Variants in RC3H2 observed in about 807,000 individuals in gnomAD.
RC3H2 encodes the protein roquin-2.
Under a neutral mutation model 133.3 loss-of-function variants are expected in RC3H2, and 31 were observed. The ratio of observed to expected loss-of-function variants is 0.23; its 90% CI spans 0.17 to 0.31. RC3H2 has a LOEUF of 0.31. Ranked by LOEUF, RC3H2 falls within the 10% of genes least tolerant of loss-of-function variation. The pLI, the probability that RC3H2 is intolerant of heterozygous loss-of-function variation, is 1.00. For synonymous variants in RC3H2, 517 were observed against 502.2 expected (o/e 1.03, Z -0.40); for missense variants, 1,175 against 1,437.2 (o/e 0.82, Z 2.95).
In RC3H2 at chr9:122,879,841, T is replaced by A. The variant is rs1310253529; in HGVS notation, c.1126A>T (p.Asn376Tyr). 27 of 1,614,182 alleles carry A rather than the reference T, an allele frequency of 1.7e-5. No homozygotes were observed. Among genetic ancestry groups the A allele is most frequent in the Non-Finnish European group, 2.2e-5 (26 of 1,180,030 alleles). ...ACTGTTTTAACAGCTACCATTGCAT[T>A]TTCCAGCTGCTCCCAAGTTGGTGAA... The part of the protein sequence containing the change: ...AVSPTWEQLE[N>Y]AMVAVKTVVH... The change falls in exon 8 of 21, where the codon AAT (asparagine) becomes TAT (tyrosine). Residue 376 changes from asparagine to tyrosine, a missense_variant. Asn to Tyr is a moderately radical substitution (Grantham distance 143). This residue lies in a region of RC3H2 where 131 missense variants were observed against 154.2 expected (regional missense o/e 0.85). Transcript: ENST00000357244.
chr9:122,852,101 T>G (rs1314377787), intron 18 of RC3H2, among the ~76,000 whole-genome samples: 1 of 148,110 alleles, frequency 6.8e-6, no homozygotes, highest in African/African-American at 2.5e-5. Flanking sequence ...GGAGCGTCTC[T>G]GCCCGGCCGC....
Position 122,879,877 on chromosome 9 carries a change from A to T in RC3H2, c.1094-4T>A, listed in dbSNP as rs371619380. On this transcript the variant is annotated splice_region_variant and splice_polypyrimidine_tract_variant and intron_variant, in intron 7 of 20. Transcript: ENST00000357244. ...TCCCAAGTTGGTGAAACAGCGTCTAAAATAAGCCACCAAGGGCATGGGGGT... is the reference window on the plus strand; with the variant it reads ...TCCCAAGTTGGTGAAACAGCGTCTATAATAAGCCACCAAGGGCATGGGGGT... The T allele has an allele frequency of 3.1e-6, 5 of 1,613,666 alleles. No individual in the cohort carries two copies. Among genetic ancestry groups the T allele is most frequent in the Non-Finnish European group, 4.2e-6 (5 of 1,179,716 alleles).
intron 14 of RC3H2, 43 bp downstream of exon 14, chr9:122,855,689 T>A: frequency 6.3e-7 from 1 of 1,575,602 alleles, no homozygotes; most frequent in Non-Finnish European, 8.6e-7. Context: ...TGAACATGCA[T>A]CATCTCTCAC....
chr9:122,851,247 T>A lies in RC3H2; in HGVS notation c.3232-18A>T. ...AAGATCTCCTAAGAAAATAAAATGT[T>A]AATCCTTCAGTATGAAAGTATTTTA... On this transcript the variant is annotated intron_variant, in intron 19 of 20. Coordinates refer to ENST00000357244, the MANE Select transcript of RC3H2 (RefSeq NM_001100588.3). The A allele has an allele frequency of 6.2e-7, 1 of 1,613,462 alleles. No individual in the cohort carries two copies. Among genetic ancestry groups the A allele is most frequent in the African/African-American group, 1.3e-5 (1 of 75,024 alleles).
At chr9:122,881,505 T>G (rs1213143543) in intron 5 of RC3H2, among the ~76,000 whole-genome samples, 2 of 145,912 alleles carry the variant, frequency 1.4e-5, no homozygotes, top group African/African-American at 5.0e-5. Context: ...AGAAATAGAA[T>G]TTTTAAAAGA....
At chr9:122,891,771 C>G (rs1199473750) in intron 3 of RC3H2, among the ~76,000 whole-genome samples, 1 of 152,186 alleles carries the variant, frequency 6.6e-6, no homozygotes, top group African/African-American at 2.4e-5. Context: ...CAGTGCAAAG[C>G]ATTCAACAGG....
intron 9 of RC3H2, among the ~76,000 whole-genome samples, chr9:122,868,172 C>G (rs1830824470): frequency 1.3e-5 from 2 of 151,812 alleles, no homozygotes; most frequent in South Asian, 4.2e-4. Context: ...TGAGGGGCGC[C>G]TCTGCCCGGC....
intron 10 of RC3H2, among the ~76,000 whole-genome samples, chr9:122,862,765 G>A (rs1344161609): frequency 6.6e-6 from 1 of 151,814 alleles, no homozygotes; most frequent in Non-Finnish European, 1.5e-5. Context: ...CATGGTGGCA[G>A]GTGCCTGTAA....
At position 122,865,635 on chromosome 9, in the gene RC3H2, T is replaced by C. The variant is rs773798867; in HGVS notation, c.1348A>G (p.Ile450Val). The change falls in exon 10 of 21, where the codon ATC (isoleucine) becomes GTC (valine). Residue 450 changes from isoleucine (I) to valine (V), a missense_variant. Transcript: ENST00000357244. ...GGAAACGTTCTTACAGTGGCATTGA[T>C]CTTTTTGTTCCTTAATCGATACCTG... ...LEKYRLRNKK[I>V]NATVRTFPLL... 1 of 1,612,326 alleles carries C rather than the reference T, an allele frequency of 6.2e-7. No individual in the cohort carries two copies. The highest frequency in any genetic ancestry group is 8.5e-7 in the Non-Finnish European group (1 of 1,179,526).
chr9:122,858,571 C>T (rs2131393458), intron 12 of RC3H2, 98 bp downstream of exon 12: 1 of 991,168 alleles, frequency 1.0e-6, no homozygotes, highest in Non-Finnish European at 1.5e-6. Context: ...CCTTAAGTCA[C>T]ACAATTAGTA....
At chr9:122,871,507 G>A (rs578107202) in intron 9 of RC3H2, among the ~76,000 whole-genome samples, 2 of 87,452 alleles carry the variant, frequency 2.3e-5, no homozygotes, top group African/African-American at 1.3e-4. Context: ...CCGTGTTAGT[G>A]GGGGGGGGGG....
intron 10 of RC3H2, among the ~76,000 whole-genome samples, chr9:122,864,117 CATT>C (rs1179001747): frequency 1.3e-5 from 2 of 152,320 alleles, no homozygotes; most frequent in East Asian, 3.9e-4. Flanking sequence ...ATCTATCCAT[CATT>C]GATTGCTATG....
At chr9:122,903,390 T>C (rs1339566770) in intron 1 of RC3H2, among the ~76,000 whole-genome samples, 4 of 152,186 alleles carry the variant, frequency 2.6e-5, no homozygotes, top group Non-Finnish European at 5.9e-5. Context: ...TTGCAAACAA[T>C]GTAGAAGTTC....
rs1174795355 is a variant in RC3H2, at chr9:122,890,366, A to T, written c.529T>A (p.Ser177Thr). The part of the protein sequence containing the change: ...ILQHQNPQQL[S>T]ANLWAAVRAR... ...CTGACAGCGGCCCATAGATTGGCAG[A>T]CAACTGCTGAGGGTTCTGGTGCTGT... is the stretch of plus-strand genomic sequence containing the variant. The change falls in exon 4 of 21, where the codon TCT becomes ACT. Residue 177 changes from serine to threonine, a missense_variant. Coordinates refer to ENST00000357244, the MANE Select transcript of RC3H2 (RefSeq NM_001100588.3). The T allele has an allele frequency of 6.2e-7, 1 of 1,614,130 alleles. No individual in the cohort carries two copies. The highest frequency in any genetic ancestry group is 2.2e-5 in the East Asian group (1 of 44,864).
intron 9 of RC3H2, among the ~76,000 whole-genome samples, chr9:122,871,561 G>A (rs931097158): frequency 4.6e-5 from 7 of 151,342 alleles, no homozygotes; most frequent in African/African-American, 1.7e-4. Flanking sequence ...CTGACCTTGT[G>A]ATCCGCCTGC....
intron 9 of RC3H2, among the ~76,000 whole-genome samples, chr9:122,876,365 C>T (rs1007446177): frequency 1.3e-5 from 2 of 152,040 alleles, no homozygotes; most frequent in Non-Finnish European, 1.5e-5. Flanking sequence ...TGGTGGCTCA[C>T]GTCTGTAATC....
rs547415965 is a variant in RC3H2 at position 122,850,511 on chromosome 9, T to A, written c.3380+570A>T. 2.6e-5 allele frequency among the ~76,000 whole-genome samples: 4 copies of A among 151,768 alleles called. No homozygotes were observed. In the South Asian group the frequency reaches 8.3e-4, roughly 32 times the overall value. The stretch of plus-strand genomic sequence containing the variant: ...CCCAGGCTGGAGTGCAGTGTCACGA[T>A]CTTGGCTCACTGTCTCCGCCTCCCG... On this transcript the variant is annotated intron_variant, in intron 20 of 20. Coordinates refer to ENST00000357244, the MANE Select transcript of RC3H2 (RefSeq NM_001100588.3).
rs1162195404 is a variant in RC3H2 at position 122,855,738 on chromosome 9, C to T, written c.2595G>A (p.Val865=). ...PKDVIANSNA[V]LMDLDSGDVK... ...AACCCCAGCAAAATCATACCATTAA[C>T]ACAGCATTTGAATTAGCAATGACAT... The change falls in exon 14 of 21, where the codon GTG becomes GTA. Residue 865 remains valine (V), a synonymous_variant. Transcript: ENST00000357244. The T allele has an allele frequency of 1.2e-6, 2 of 1,612,366 alleles. No homozygotes were observed. The highest frequency in any genetic ancestry group is 1.1e-5 in the South Asian group (1 of 90,834).
intron 9 of RC3H2, chr9:122,873,695 C>G (rs1403575492): frequency 6.6e-6 from 1 of 151,700 alleles, no homozygotes; most frequent in Admixed American, 6.6e-5. Flanking sequence ...GAGTGAGGCC[C>G]TGTCTCCAGA....
Sources: allele counts gnomAD v4.1 joint callset (sites outside exome capture counted in the v4.1 genomes callset), GRCh38; gene constraint gnomAD v4.1.1; regional missense constraint gnomAD v4.1.1; transcripts MANE v1.5; gene names NCBI Gene and HGNC (gene_info 2026-07-23, HGNC 2026-07-21).